DPH6: variants seen among roughly 807,000 people sequenced by gnomAD.
DPH6 encodes the protein diphthamine biosynthesis 6, also known as diphthine--ammonia ligase.
In DPH6, 33 loss-of-function variants were observed where a neutral mutation model predicts 38.2. That is an observed-to-expected ratio of 0.86 (90% CI 0.65 to 1.15). DPH6 has a LOEUF of 1.15. Among genes scored for constraint, DPH6 ranks in the 50% most tolerant of loss-of-function variants. The pLI is 0.00. For synonymous variants in DPH6, 108 were observed against 103.0 expected (o/e 1.05, Z -0.30); for missense variants, 325 against 320.0 (o/e 1.02, Z -0.12).
intron 3 of DPH6, chr15:35,520,220 C>CAAAAAAAAAAAAAAAAAAAA (rs1353792195): frequency 3.2e-5 from 14 of 435,342 alleles, no homozygotes; most frequent in East Asian, 4.9e-4. Context: ...AAACATGCTA[C>CAAAAAAAAAAAAAAAAAAAA]AAAAAAAAAC....
At chr15:35,454,239 G>A (rs887502035) in intron 4 of DPH6, among the ~76,000 whole-genome samples, 159 of 152,152 alleles carry the variant, frequency 1.0e-3, no homozygotes, top group African/African-American at 3.7e-3. Flanking sequence ...CTAGGACGAG[G>A]GGAGGAACAT....
chr15:35,307,607 A>G (rs1489388540), intron 3 of DPH6, among the ~76,000 whole-genome samples: 3 of 152,204 alleles, frequency 2.0e-5, no homozygotes, highest in African/African-American at 7.2e-5. Flanking sequence ...CTTTACTTGT[A>G]TATAAAACAA....
chr15:35,238,731 A>G (rs573504632), intron 3 of DPH6, among the ~76,000 whole-genome samples: 1 of 152,290 alleles, frequency 6.6e-6, no homozygotes, highest in Admixed American at 6.5e-5. Context: ...AGAAGTGAAA[A>G]GGCCCTGCCC....
chr15:35,356,044 T>A (rs1017644454), intron 3 of DPH6, among the ~76,000 whole-genome samples: 3 of 152,212 alleles, frequency 2.0e-5, no homozygotes, highest in Non-Finnish European at 4.4e-5. Context: ...TGATCTTCCA[T>A]CATTGATACC....
At chr15:35,170,287 T>C in the DPH6 span, among the ~76,000 whole-genome samples, 29 of 152,326 alleles carry the variant, frequency 1.9e-4, no homozygotes, top group East Asian at 4.8e-3. Flanking sequence ...GAAATGTGTC[T>C]CTTGGTTCAG....
chr15:35,273,832 A>C (rs1487500243), intron 3 of DPH6, among the ~76,000 whole-genome samples: 1 of 152,242 alleles, frequency 6.6e-6, no homozygotes, highest in East Asian at 1.9e-4. Flanking sequence ...TTACTGCCTA[A>C]AGTAATTTAT....
At chr15:35,336,003 T>A (rs1410549144) in intron 3 of DPH6, among the ~76,000 whole-genome samples, 2 of 152,248 alleles carry the variant, frequency 1.3e-5, no homozygotes, top group Non-Finnish European at 2.9e-5. Flanking sequence ...TATTGATTCT[T>A]CCTATCCATG....
rs753311818 is a variant in DPH6 at position 35,381,908 on chromosome 15, C to T, written c.576G>A (p.Lys192=). Residue 192 remains lysine (K), a synonymous_variant, in exon 7 of 9, where the codon AAG becomes AAA. Coordinates refer to ENST00000256538, the MANE Select transcript of DPH6 (RefSeq NM_080650.4). ...CTCCACAAACATGTACTCCATACTTCTTAGAAAGCTGAAAATAGGAAAACA... is the reference window on the plus strand; with the variant it reads ...CTCCACAAACATGTACTCCATACTTTTTAGAAAGCTGAAAATAGGAAAACA... ...QMEPYLIELS[K]KYGVHVCGEG... The T allele has an allele frequency of 2.5e-6, 4 of 1,609,510 alleles. No homozygotes were observed. In the Admixed American group the frequency reaches 5.1e-5, roughly 21 times the overall value.
At chr15:35,253,553 A>G (rs1385642373) in intron 3 of DPH6, among the ~76,000 whole-genome samples, 1 of 152,234 alleles carries the variant, frequency 6.6e-6, no homozygotes, top group Non-Finnish European at 1.5e-5. Context: ...TAATTCTGCT[A>G]TGGGGAACAG....
rs1490666320 is a variant in DPH6, at chr15:35,428,709, G to C, written c.506-17813C>G. ...AAGTACCAGTGGACTTTCAAACATT[G>C]TGAATTGCTATAAAAATCCTCATTC... On this transcript the variant is annotated intron_variant, in intron 5 of 8. Transcript: ENST00000256538. Among the ~76,000 whole-genome samples, 8 of 152,036 alleles carry C rather than the reference G, an allele frequency of 5.3e-5. 1 individual carries two copies. Among genetic ancestry groups the C allele is most frequent in the Admixed American group, 3.9e-4 (6 of 15,260 alleles).
chr15:35,236,868 C>G (rs1214546877), intron 3 of DPH6, among the ~76,000 whole-genome samples: 2 of 152,094 alleles, frequency 1.3e-5, no homozygotes, highest in African/African-American at 4.8e-5. Context: ...AAGACTGGGG[C>G]TCTTACATAC....
At chr15:35,515,621 T>C (rs1416023198) in intron 3 of DPH6, among the ~76,000 whole-genome samples, 1 of 148,340 alleles carries the variant, frequency 6.7e-6, no homozygotes, top group Non-Finnish European at 1.5e-5. Context: ...CTCAGGAGGC[T>C]GAGGCGGGAG....
the DPH6 span, among the ~76,000 whole-genome samples, chr15:35,177,806 G>A: frequency 0.039 from 5,948 of 151,936 alleles, 125 homozygotes; most frequent in Middle Eastern, 0.051. Flanking sequence ...GCTGGACATG[G>A]TGGCACATGC....
At chr15:35,369,914 A>T (rs1211929696), downstream of DPH6, among the ~76,000 whole-genome samples, 1 of 151,820 alleles carries the variant, frequency 6.6e-6, no homozygotes, top group East Asian at 1.9e-4. Flanking sequence ...AAAATGGTCA[A>T]TACAATACGG....
At chr15:35,420,785 G>A (rs1047150393) in intron 5 of DPH6, among the ~76,000 whole-genome samples, 2 of 152,094 alleles carry the variant, frequency 1.3e-5, no homozygotes, top group Non-Finnish European at 2.9e-5. Flanking sequence ...AAAGTGCTGG[G>A]ATTACAGCGT....
chr15:35,531,027 T>C (rs1034401493), intron 3 of DPH6, among the ~76,000 whole-genome samples: 3 of 152,134 alleles, frequency 2.0e-5, no homozygotes, highest in African/African-American at 7.2e-5. Flanking sequence ...CAGGAGCAAT[T>C]TGTACAGGGC....
At position 35,514,284 on chromosome 15, in the gene DPH6, C is replaced by A. The variant is rs999008083; in HGVS notation, c.312+23990G>T. Among the ~76,000 whole-genome samples the A allele has an allele frequency of 2.0e-5, 3 of 151,994 alleles. No individual in the cohort carries two copies. The South Asian group carries it at 6.2e-4, about 32-fold the overall frequency. ...AGTAACAGTTTGAGAAGATGTATTA[C>A]GCAAAATAGCATAAAGGAGCCATTT... is the stretch of plus-strand genomic sequence containing the variant. On this transcript the variant is annotated intron_variant, in intron 3 of 8. Coordinates refer to ENST00000256538, the MANE Select transcript of DPH6 (RefSeq NM_080650.4).
chr15:35,183,717 G>T, the DPH6 span, among the ~76,000 whole-genome samples: 32,403 of 152,008 alleles, frequency 0.21, 4,385 homozygotes, highest in East Asian at 0.68. Context: ...GGATCAAAGT[G>T]ATACACTTAT....
intron 3 of DPH6, among the ~76,000 whole-genome samples, chr15:35,507,163 T>C (rs1372373052): frequency 6.6e-6 from 1 of 152,074 alleles, no homozygotes; most frequent in Non-Finnish European, 1.5e-5. Context: ...AATCAGACAC[T>C]AATATTTGAT....
Sources: allele counts gnomAD v4.1 joint callset (sites outside exome capture counted in the v4.1 genomes callset), GRCh38; gene constraint gnomAD v4.1.1; transcripts MANE v1.5; gene names NCBI Gene and HGNC (gene_info 2026-07-23, HGNC 2026-07-21).